The following NKAIN2 variants were observed in gnomAD, a reference collection of about 807,000 sequenced individuals.
The protein encoded by NKAIN2 is sodium/potassium transporting ATPase interacting 2.
Under a neutral mutation model 32.6 loss-of-function variants are expected in NKAIN2, and 14 were observed. The observed-to-expected ratio is 0.43, with a 90% CI of 0.28 to 0.67. The LOEUF (loss-of-function observed/expected upper bound fraction) is 0.67. Ranked by LOEUF, NKAIN2 falls within the 30% of genes least tolerant of loss-of-function variation. The pLI, the probability that NKAIN2 is intolerant of heterozygous loss-of-function variation, is 0.17. For missense variants in NKAIN2, 198 were observed against 258.3 expected (o/e 0.77, Z 1.60); for synonymous variants, 80 against 87.2 (o/e 0.92, Z 0.46).
chr6:124,541,143 C>A (rs998501873), intron 3 of NKAIN2, among the ~76,000 whole-genome samples: 1 of 152,148 alleles, frequency 6.6e-6, no homozygotes, highest in Non-Finnish European at 1.5e-5. Context: ...ACACACACCT[C>A]CCTCTGTCAG....
chr6:124,440,383 C>T (rs1189753213), intron 3 of NKAIN2, among the ~76,000 whole-genome samples: 12 of 152,064 alleles, frequency 7.9e-5, no homozygotes, highest in Admixed American at 5.9e-4. Flanking sequence ...GGTCTCAAGA[C>T]CATAACTTAT....
chr6:124,170,150 T>A (rs148989499), intron 1 of NKAIN2, among the ~76,000 whole-genome samples: 4 of 152,284 alleles, frequency 2.6e-5, no homozygotes, highest in Non-Finnish European at 5.9e-5. Context: ...TTCATGCAGA[T>A]CTCAGCTCAA....
intron 3 of NKAIN2, among the ~76,000 whole-genome samples, chr6:124,371,744 GT>G (rs1799774712): frequency 6.7e-6 from 1 of 149,036 alleles, no homozygotes; most frequent in Non-Finnish European, 1.5e-5. Context: ...TGTAAGTTAA[GT>G]TTTAGCAGTG....
intron 3 of NKAIN2, among the ~76,000 whole-genome samples, chr6:124,647,312 T>C (rs745806992): frequency 5.3e-5 from 8 of 151,584 alleles, no homozygotes; most frequent in Non-Finnish European, 8.8e-5. Flanking sequence ...TTTGGAAGGC[T>C]GAGGCAGGCA....
intron 4 of NKAIN2, among the ~76,000 whole-genome samples, chr6:124,752,415 C>G (rs1410546405): frequency 3.9e-5 from 6 of 152,062 alleles, no homozygotes; most frequent in African/African-American, 1.4e-4. Context: ...ATTCGCTTCT[C>G]TTCTTCCTAG....
chr6:124,257,178 C>CT lies in NKAIN2; in HGVS notation c.55-25820dup, dbSNP rs199735740. Reference sequence around the variant, plus strand: ...AAGCAGATGGCTGAAGAATTTTGAGCTTTTTTTATTTATTGTCTCTGTTGT... The same window carrying CT: ...AAGCAGATGGCTGAAGAATTTTGAGCTTTTTTTTATTTATTGTCTCTGTTGT... On this transcript the variant is annotated intron_variant, in intron 1 of 6. Transcript: ENST00000368417. Among the ~76,000 whole-genome samples the CT allele has an allele frequency of 1.4e-3, 167 of 116,726 alleles. 2 individuals carry two copies. In the South Asian group the frequency reaches 0.036, roughly 25 times the overall value. The allele number at this position is 116,726 out of a possible 152,430, so 76.6% of individuals were successfully genotyped here.
At chr6:123,925,714 C>A (rs142160607) in intron 1 of NKAIN2, among the ~76,000 whole-genome samples, 1,539 of 152,280 alleles carry the variant, frequency 0.01, 15 homozygotes, top group Non-Finnish European at 0.017. Flanking sequence ...TTTTGGTGAA[C>A]TTCATTCTGC....
chr6:123,916,430 T>G (rs532000119), intron 1 of NKAIN2, among the ~76,000 whole-genome samples: 1 of 151,972 alleles, frequency 6.6e-6, no homozygotes, highest in Non-Finnish European at 1.5e-5. Context: ...CTGGCTAATT[T>G]TTTTTGTATT....
chr6:124,337,694 T>C (rs1030919858), intron 2 of NKAIN2, among the ~76,000 whole-genome samples: 3 of 152,206 alleles, frequency 2.0e-5, no homozygotes, highest in Non-Finnish European at 4.4e-5. Context: ...CTATAGAATA[T>C]ACAGACTCCT....
intron 1 of NKAIN2, among the ~76,000 whole-genome samples, chr6:124,158,687 A>T (rs1190091952): frequency 6.6e-6 from 1 of 152,196 alleles, no homozygotes. Context: ...AATCCCCTTG[A>T]CTAATGAAGA....
At chr6:123,868,113 CCACCT>C (rs1772665156) in intron 1 of NKAIN2, among the ~76,000 whole-genome samples, 2 of 152,174 alleles carry the variant, frequency 1.3e-5, no homozygotes, top group African/African-American at 4.8e-5. Flanking sequence ...TGTGATCTGC[CCACCT>C]TGGCCTCCCA....
intron 1 of NKAIN2, among the ~76,000 whole-genome samples, chr6:124,019,834 A>G (rs1430208754): frequency 1.3e-5 from 2 of 152,152 alleles, no homozygotes; most frequent in African/African-American, 4.8e-5. Flanking sequence ...ACTGGGGATA[A>G]CCACTATTCT....
At chr6:124,311,664 C>A (rs115998960) in intron 2 of NKAIN2, among the ~76,000 whole-genome samples, 1 of 152,042 alleles carries the variant, frequency 6.6e-6, no homozygotes, top group African/African-American at 2.4e-5. Context: ...GTGAGAGGCA[C>A]GTTTGCTTAT....
At chr6:124,106,075 A>T (rs1384792355) in intron 1 of NKAIN2, among the ~76,000 whole-genome samples, 1 of 152,194 alleles carries the variant, frequency 6.6e-6, no homozygotes, top group African/African-American at 2.4e-5. Flanking sequence ...GTTATGCCCA[A>T]TACTGGGAGA....
chr6:124,360,459 G>A (rs1433489418), intron 3 of NKAIN2, among the ~76,000 whole-genome samples: 3 of 151,854 alleles, frequency 2.0e-5, no homozygotes, highest in Non-Finnish European at 4.4e-5. Context: ...TGATACACAG[G>A]ACTAACCCTT....
intron 3 of NKAIN2, among the ~76,000 whole-genome samples, chr6:124,510,522 A>G (rs1385769595): frequency 6.6e-6 from 1 of 152,230 alleles, no homozygotes; most frequent in Admixed American, 6.5e-5. Flanking sequence ...TGGAATCTGC[A>G]TGCCATCTTT....
intron 1 of NKAIN2, among the ~76,000 whole-genome samples, chr6:124,223,422 G>A (rs899355599): frequency 3.3e-5 from 5 of 152,012 alleles, no homozygotes; most frequent in Non-Finnish European, 7.4e-5. Flanking sequence ...CCAGAATAAG[G>A]GAAAGGCAAT....
rs1384797814 is a variant in NKAIN2 at position 124,726,353 on chromosome 6, A to G, written c.475-64986A>G. ...GCAGTGGTTCTCCCAGCACACAGCTAGAGATCTGAGAACGGGCAGACTGCC... is the reference window on the plus strand; with the variant it reads ...GCAGTGGTTCTCCCAGCACACAGCTGGAGATCTGAGAACGGGCAGACTGCC... On this transcript the variant is annotated intron_variant, in intron 4 of 6. Coordinates refer to ENST00000368417, the MANE Select transcript of NKAIN2 (RefSeq NM_001040214.3). 1.1e-3 allele frequency among the ~76,000 whole-genome samples: 164 copies of G among 152,216 alleles called. 1 individual carries two copies. Among genetic ancestry groups the G allele is most frequent in the South Asian group, 7.7e-3 (37 of 4,778 alleles).
chr6:124,349,921 G>T (rs1366251600), intron 2 of NKAIN2, among the ~76,000 whole-genome samples: 1 of 152,106 alleles, frequency 6.6e-6, no homozygotes, highest in Admixed American at 6.5e-5. Flanking sequence ...CTCTCAGATG[G>T]TTCACCTGGT....
Sources: allele counts gnomAD v4.1 joint callset (sites outside exome capture counted in the v4.1 genomes callset), GRCh38; gene constraint gnomAD v4.1.1; transcripts MANE v1.5; gene names NCBI Gene and HGNC (gene_info 2026-07-23, HGNC 2026-07-21).